The following SLC44A1 variants were observed in gnomAD, a reference collection of about 807,000 sequenced individuals.
SLC44A1 encodes choline transporter-like protein 1.
A neutral mutation model predicts 79.3 loss-of-function variants in SLC44A1; 26 were observed. That is an observed-to-expected ratio of 0.33 (90% CI 0.24 to 0.46). SLC44A1 has a LOEUF of 0.46. Ranked by LOEUF, SLC44A1 falls within the 20% of genes least tolerant of loss-of-function variation. SLC44A1 has a pLI of 1.00. For synonymous variants in SLC44A1, 263 were observed against 286.2 expected, an observed-to-expected ratio of 0.92 and a Z score of 0.82; for missense variants, 688 against 798.1, an observed-to-expected ratio of 0.86 and a Z score of 1.66.
chr9:105,343,193 A>G (rs1827152339), intron 4 of SLC44A1, among the ~76,000 whole-genome samples: 3 of 152,016 alleles, frequency 2.0e-5, no homozygotes, highest in Admixed American at 2.0e-4. Context: ...TTTGCCTCCC[A>G]TTTATAGTAT....
At chr9:105,363,411 A>G (rs1191421564) in intron 9 of SLC44A1, among the ~76,000 whole-genome samples, 3 of 150,984 alleles carry the variant, frequency 2.0e-5, no homozygotes, top group Non-Finnish European at 4.4e-5. Context: ...TCAGGTCAGG[A>G]CGCCTGCCTT....
chr9:105,374,237 G>T (rs144826737), intron 12 of SLC44A1, among the ~76,000 whole-genome samples: 1 of 152,210 alleles, frequency 6.6e-6, no homozygotes, highest in East Asian at 1.9e-4. Flanking sequence ...TCACCTAAAT[G>T]ATTACAGTGC....
chr9:105,427,034 C>G (rs1176874917), intron 15 of SLC44A1, among the ~76,000 whole-genome samples: 2 of 151,874 alleles, frequency 1.3e-5, no homozygotes, highest in Non-Finnish European at 2.9e-5. Flanking sequence ...CTCCTAGGCT[C>G]AAGCAGTTCT....
At chr9:105,437,257 A>G (rs768680704) in intron 15 of SLC44A1, among the ~76,000 whole-genome samples, 79 of 152,220 alleles carry the variant, frequency 5.2e-4, no homozygotes, top group Admixed American at 1.0e-3. Context: ...CTCTCTCTAT[A>G]TCTATCTAGA....
intron 1 of SLC44A1, among the ~76,000 whole-genome samples, chr9:105,261,565 G>A (rs1226635329): frequency 6.6e-6 from 1 of 152,084 alleles, no homozygotes; most frequent in Admixed American, 6.6e-5. Context: ...CGAGAATATC[G>A]GTAGAATAAA....
chr9:105,257,964 A>G (rs1485705413), intron 1 of SLC44A1, among the ~76,000 whole-genome samples: 1 of 152,244 alleles, frequency 6.6e-6, no homozygotes, highest in African/African-American at 2.4e-5. Context: ...ATTTGACAGC[A>G]TAACTGCACC....
intron 1 of SLC44A1, among the ~76,000 whole-genome samples, chr9:105,285,707 C>A (rs1260409957): frequency 6.6e-6 from 1 of 152,054 alleles, no homozygotes; most frequent in Admixed American, 6.6e-5. Flanking sequence ...TACAAAGAAC[C>A]TTTTTAAGGG....
At chr9:105,286,882 T>C (rs550298909) in intron 1 of SLC44A1, among the ~76,000 whole-genome samples, 18 of 152,206 alleles carry the variant, frequency 1.2e-4, no homozygotes, top group South Asian at 4.1e-4. Context: ...GAGGATTACT[T>C]GAGCCCAGAA....
intron 1 of SLC44A1, among the ~76,000 whole-genome samples, chr9:105,294,298 TTGTC>T (rs1317089105): frequency 2.0e-5 from 3 of 152,194 alleles, no homozygotes; most frequent in African/African-American, 7.2e-5. Context: ...ACCTCCAAGT[TTGTC>T]TGGTATCAAT....
rs532560387 is a variant in SLC44A1, at chr9:105,333,650, A to G, written c.270-1913A>G. Among the ~76,000 whole-genome samples, 13 of 152,256 alleles carry G rather than the reference A, an allele frequency of 8.5e-5. No homozygotes were observed. The East Asian group carries it at 2.5e-3, about 29-fold the overall frequency. Reference sequence around the variant, plus strand: ...CATGGTGAAACCCCGTTTCTACTAAAAATACAAAAATTAGCCGGGTGTGGT... The same window carrying G: ...CATGGTGAAACCCCGTTTCTACTAAGAATACAAAAATTAGCCGGGTGTGGT... On this transcript the variant is annotated intron_variant, in intron 3 of 15. Coordinates refer to ENST00000374720, the MANE Select transcript of SLC44A1 (RefSeq NM_080546.5).
intron 13 of SLC44A1, among the ~76,000 whole-genome samples, chr9:105,378,474 C>G (rs1828363704): frequency 6.6e-6 from 1 of 152,056 alleles, no homozygotes; most frequent in African/African-American, 2.4e-5. Flanking sequence ...AAATCTTGCC[C>G]ACATCAATCT....
intron 1 of SLC44A1, among the ~76,000 whole-genome samples, chr9:105,280,882 G>C (rs566686029): frequency 6.6e-6 from 1 of 152,324 alleles, no homozygotes; most frequent in Admixed American, 6.5e-5. Flanking sequence ...AAGTTAGGAA[G>C]AAATGTTCAA....
In SLC44A1 at chr9:105,366,421, T is replaced by A. The variant is rs1215017998; in HGVS notation, c.1486T>A (p.Leu496Ile). ...GTGTCTTGAAAAGTGCCTAAATTAT[T>A]TAAATCAGGTAAAATATTTTAAAAA... ...LWCLEKCLNY[L>I]NQNAYTATAI... is the part of the protein sequence containing the mutation. Residue 496 changes from leucine (L) to isoleucine (I), a missense_variant, in exon 12 of 16, where the codon TTA (leucine) becomes ATA (isoleucine). Physicochemically the swap from Leu to Ile is conservative, Grantham distance 5 (BLOSUM62 2). Transcript: ENST00000374720. 7.0e-7 allele frequency: 1 copy of A among 1,436,348 alleles called. No homozygotes were observed. Among genetic ancestry groups the A allele is most frequent in the African/African-American group, 1.5e-5 (1 of 68,960 alleles). 89.0% of individuals were successfully genotyped at this position (1,436,348 alleles called of 1,614,324 possible).
In SLC44A1 at chr9:105,394,887, A is replaced by G. The variant is rs949894421; in HGVS notation, c.*5831A>G. 8.1e-6 allele frequency: 8 copies of G among 985,360 alleles called. No individual in the cohort carries two copies. The African/African-American group carries it at 1.4e-4, about 17-fold the overall frequency. The allele number at this position is 985,360 out of a possible 1,614,324, so 61.0% of individuals were successfully genotyped here. On this transcript the variant is annotated 3_prime_UTR_variant, in exon 16 of 16. Coordinates refer to ENST00000374720, the MANE Select transcript of SLC44A1 (RefSeq NM_080546.5). Reference sequence around the variant, plus strand: ...AGAGCAGCTTCAGATTCCTCTGCCAATAGAACTCCACCCCCAGTCCCTTAC... The same window carrying G: ...AGAGCAGCTTCAGATTCCTCTGCCAGTAGAACTCCACCCCCAGTCCCTTAC...
intron 2 of SLC44A1, among the ~76,000 whole-genome samples, chr9:105,309,422 A>C (rs1831116586): frequency 6.6e-6 from 1 of 152,214 alleles, no homozygotes; most frequent in Non-Finnish European, 1.5e-5. Flanking sequence ...ACTGGCACAG[A>C]GCAGATGTTC....
intron 1 of SLC44A1, among the ~76,000 whole-genome samples, chr9:105,252,321 C>G (rs1015667821): frequency 2.6e-5 from 4 of 151,578 alleles, no homozygotes; most frequent in East Asian, 1.9e-4. Context: ...TGGTGCTTAG[C>G]TGGTACCAAT....
At chr9:105,279,707 C>T (rs1266769353) in intron 1 of SLC44A1, among the ~76,000 whole-genome samples, 1 of 152,162 alleles carries the variant, frequency 6.6e-6, no homozygotes, top group Non-Finnish European at 1.5e-5. Flanking sequence ...CTTCAGTTTA[C>T]ATCAGGAATA....
At chr9:105,309,638 C>A (rs1170599821) in intron 2 of SLC44A1, 86 bp from the exon 3 acceptor site, 12 of 1,252,484 alleles carry the variant, frequency 9.6e-6, no homozygotes, top group Non-Finnish European at 5.7e-6. Flanking sequence ...CTTCAGCAGA[C>A]AAAAAGAAGC....
chr9:105,329,203 T>C (rs1826675747), intron 3 of SLC44A1, among the ~76,000 whole-genome samples: 3 of 152,204 alleles, frequency 2.0e-5, no homozygotes, highest in Non-Finnish European at 4.4e-5. Flanking sequence ...GGGCTATAAA[T>C]TGTAAATTGA....
Sources: allele counts gnomAD v4.1 joint callset (sites outside exome capture counted in the v4.1 genomes callset), GRCh38; gene constraint gnomAD v4.1.1; transcripts MANE v1.5; gene names NCBI Gene and HGNC (gene_info 2026-07-23, HGNC 2026-07-21).